Variants in LAMC2 observed in about 807,000 individuals in gnomAD.
LAMC2 encodes the protein laminin subunit gamma-2.
In LAMC2, 97 loss-of-function variants were observed where a neutral mutation model predicts 140.2. The observed-to-expected ratio is 0.69, with a 90% confidence interval of 0.59 to 0.82. The LOEUF (loss-of-function observed/expected upper bound fraction) is 0.82, where lower values mean the gene tolerates loss of function less well. LAMC2 is among the 40% of genes least tolerant of loss of function. LAMC2 has a pLI of 0.00. For missense variants in LAMC2, 1,402 were observed against 1,476.1 expected, an observed-to-expected ratio of 0.95 and a Z score of 0.82; for synonymous variants, 513 against 540.2, an observed-to-expected ratio of 0.95 and a Z score of 0.70.
At chr1:183,233,000 T>C (rs1236012209) in intron 14 of LAMC2, 143 bp downstream of exon 14, 5 of 779,406 alleles carry the variant, frequency 6.4e-6, no homozygotes, top group Non-Finnish European at 8.8e-6. Context: ...TTCTTTTCCT[T>C]GCAACAGTCA....
chr1:183,216,325 G>C (rs141155737), intron 3 of LAMC2, among the ~76,000 whole-genome samples: 1 of 152,074 alleles, frequency 6.6e-6, no homozygotes, highest in East Asian at 1.9e-4. Flanking sequence ...CTTTCAGATG[G>C]TCTTCAGAGA....
chr1:183,235,501 C>T (rs1252629557), intron 15 of LAMC2, 74 bp from the exon 16 acceptor site: 2 of 1,551,700 alleles, frequency 1.3e-6, no homozygotes, highest in Non-Finnish European at 1.8e-6. Context: ...ACTCTTTGCC[C>T]TTCGTGTAAC....
intron 9 of LAMC2, 37 bp downstream of exon 9, chr1:183,226,953 G>A: frequency 1.3e-6 from 2 of 1,527,266 alleles, no homozygotes; most frequent in Non-Finnish European, 1.8e-6. Flanking sequence ...TGGCTGGGGT[G>A]TCATGTGGAA....
At chr1:183,246,647 C>G (rs536595), downstream of LAMC2, among the ~76,000 whole-genome samples, 5,571 of 152,260 alleles carry the variant, frequency 0.037, 352 homozygotes, top group African/African-American at 0.13. Context: ...CAGTACTCTC[C>G]AGTACTTCTC....
intron 1 of LAMC2, among the ~76,000 whole-genome samples, chr1:183,191,444 G>T (rs1658327254): frequency 6.6e-6 from 1 of 151,892 alleles, no homozygotes; most frequent in African/African-American, 2.4e-5. Flanking sequence ...GAGAATCCTG[G>T]GAATATCTTT....
intron 11 of LAMC2, among the ~76,000 whole-genome samples, chr1:183,229,135 G>A (rs534297045): frequency 6.6e-6 from 1 of 152,318 alleles, no homozygotes; most frequent in Admixed American, 6.5e-5. Flanking sequence ...CTATAGTGGA[G>A]CATTCCTGAG....
At chr1:183,204,161 T>C (rs1440744823) in intron 1 of LAMC2, among the ~76,000 whole-genome samples, 2 of 152,024 alleles carry the variant, frequency 1.3e-5, no homozygotes, top group African/African-American at 4.8e-5. Flanking sequence ...TGTTGTGGCA[T>C]GCATCTGTGG....
chr1:183,229,794 C>T (rs1342334911), intron 11 of LAMC2, among the ~76,000 whole-genome samples: 4 of 152,100 alleles, frequency 2.6e-5, no homozygotes, highest in African/African-American at 7.2e-5. Context: ...CAACCTGAGG[C>T]TTCTACTTAG....
intron 5 of LAMC2, among the ~76,000 whole-genome samples, chr1:183,221,860 G>T (rs1457217482): frequency 6.6e-6 from 1 of 152,092 alleles, no homozygotes; most frequent in African/African-American, 2.4e-5. Context: ...TCACGAGTCA[G>T]ACTCAAAGAT....
At chr1:183,251,802 A>G in the LAMC2 span, 43,374 of 157,018 alleles carry the variant, frequency 0.28, 7,595 homozygotes, top group African/African-American at 0.49. Flanking sequence ...CCGACTATTC[A>G]CAGACTCGTG....
At chr1:183,207,282 T>C (rs1172873432) in intron 1 of LAMC2, among the ~76,000 whole-genome samples, 1 of 152,142 alleles carries the variant, frequency 6.6e-6, no homozygotes, top group Non-Finnish European at 1.5e-5. Flanking sequence ...GCGAGTCTCT[T>C]TGGAACATCT....
chr1:183,221,437 A>G (rs1659465382), intron 5 of LAMC2, among the ~76,000 whole-genome samples: 1 of 152,328 alleles, frequency 6.6e-6, no homozygotes, highest in African/African-American at 2.4e-5. Context: ...CTTTGAAAAG[A>G]CTGGACCCGG....
intron 9 of LAMC2, 89 bp downstream of exon 9, chr1:183,227,005 C>T: frequency 1.9e-6 from 2 of 1,034,934 alleles, no homozygotes; most frequent in Non-Finnish European, 3.0e-6. Flanking sequence ...GAACTCACAT[C>T]AGAGGTGGGA....
chr1:183,235,109 C>G (rs921580894), intron 15 of LAMC2, among the ~76,000 whole-genome samples: 2 of 152,154 alleles, frequency 1.3e-5, no homozygotes, highest in Admixed American at 6.5e-5. Context: ...TTTAAAGAAG[C>G]ACTTTTTAGA....
chr1:183,211,049 A>T (rs1387203567), intron 2 of LAMC2, among the ~76,000 whole-genome samples: 1 of 152,278 alleles, frequency 6.6e-6, no homozygotes, highest in African/African-American at 2.4e-5. Context: ...TTACAAAAAA[A>T]TGCTATCATT....
downstream of LAMC2, chr1:183,249,140 C>A (rs1287799751): frequency 6.6e-6 from 1 of 152,182 alleles, no homozygotes; most frequent in African/African-American, 2.4e-5. Context: ...AGAACGGCGT[C>A]TCTAGAAGCT....
chr1:183,254,609 T>G, the LAMC2 span, among the ~76,000 whole-genome samples: 3 of 152,014 alleles, frequency 2.0e-5, no homozygotes, highest in African/African-American at 7.3e-5. Flanking sequence ...GGCTAATTTT[T>G]TTTTGGTGGG....
In LAMC2 at chr1:183,228,306, T is replaced by C. The variant is rs1659692413; in HGVS notation, c.1469-68T>C. 1.2e-6 allele frequency: 2 copies of C among 1,607,674 alleles called. No individual in the cohort carries two copies. The highest frequency in any genetic ancestry group is 1.3e-5 in the African/African-American group (1 of 74,828). ...TCTTCTAGAGGGTGACTCGCAACTT[T>C]AGGCCTCTGCGTCTGGTCTTCCTCC... On this transcript the variant is annotated intron_variant, in intron 10 of 22. Transcript: ENST00000264144. The surrounding 1 kb of genome is among the most constrained non-coding windows in gnomAD (Gnocchi z 4.3).
Position 183,244,746 on chromosome 1 carries a change from T to C in LAMC2, c.*1346T>C, listed in dbSNP as rs1392883769. On this transcript the variant is annotated 3_prime_UTR_variant, in exon 23 of 23. Transcript: ENST00000264144. ...TCACTCTGTGCCTTTCTACAACTGA[T>C]TGCAACAGACTGTTGAGTTATGATA... 6.6e-6 allele frequency: 1 copy of C among 152,638 alleles called. No individual in the cohort carries two copies. Among genetic ancestry groups the C allele is most frequent in the African/African-American group, 2.4e-5 (1 of 41,454 alleles). 9.5% of individuals were successfully genotyped at this position (152,638 alleles called of 1,614,324 possible).
Sources: gnomAD v4.1 joint callset for allele counts (sites outside exome capture counted in the v4.1 genomes callset) on GRCh38, gnomAD v4.1.1 for gene constraint, Gnocchi (gnomAD v3.1) non-coding constraint, MANE v1.5 for transcripts, NCBI Gene and HGNC (gene_info 2026-07-23, HGNC 2026-07-21) for gene names.